FAM222A: variants seen among roughly 807,000 people sequenced by gnomAD.
The protein encoded by FAM222A is protein FAM222A.
In FAM222A, 7 loss-of-function variants were observed where a neutral mutation model predicts 25.8. The ratio of observed to expected loss-of-function variants is 0.27; its 90% CI spans 0.15 to 0.51. The LOEUF (loss-of-function observed/expected upper bound fraction) is 0.51, where lower values mean the gene tolerates loss of function less well. FAM222A is among the 20% of genes least tolerant of loss of function. The pLI, the probability that FAM222A is intolerant of heterozygous loss-of-function variation, is 0.97. For synonymous variants in FAM222A, 294 were observed against 298.8 expected, an observed-to-expected ratio of 0.98 and a Z score of 0.17; for missense variants, 573 against 640.5, an observed-to-expected ratio of 0.89 and a Z score of 1.14.
At chr12:109,721,211 C>G (rs910085885) in intron 1 of FAM222A, among the ~76,000 whole-genome samples, 7 of 152,198 alleles carry the variant, frequency 4.6e-5, no homozygotes, top group Non-Finnish European at 8.8e-5. Context: ...ACAGAACCCC[C>G]TTCATTATCC....
chr12:109,743,846 G>A, intron 1 of FAM222A: 1 of 985,418 alleles, frequency 1.0e-6, no homozygotes, highest in Non-Finnish European at 1.2e-6. Context: ...ATGCCGAGCA[G>A]GGCCGGGGCA....
At chr12:109,758,545 A>T (rs1420002407) in intron 2 of FAM222A, among the ~76,000 whole-genome samples, 1 of 152,122 alleles carries the variant, frequency 6.6e-6, no homozygotes, top group African/African-American at 2.4e-5. Context: ...GGTCCCTGGG[A>T]CAGCCAGGAA....
chr12:109,715,354 C>T (rs1887622792), intron 1 of FAM222A, among the ~76,000 whole-genome samples: 1 of 152,168 alleles, frequency 6.6e-6, no homozygotes, highest in Non-Finnish European at 1.5e-5. Context: ...GAGAATTGTG[C>T]CCCATGGGGC....
intron 2 of FAM222A, among the ~76,000 whole-genome samples, chr12:109,756,068 A>G (rs1415450208): frequency 6.6e-6 from 1 of 152,334 alleles, no homozygotes; most frequent in Non-Finnish European, 1.5e-5. Flanking sequence ...CCATCTTATT[A>G]TTGTCTTCCA....
intron 1 of FAM222A, among the ~76,000 whole-genome samples, chr12:109,721,696 G>A (rs181737746): frequency 6.6e-6 from 1 of 152,296 alleles, no homozygotes; most frequent in African/African-American, 2.4e-5. Context: ...TTGTTCTTAA[G>A]CCACAAAAGC....
At chr12:109,723,662 C>T (rs1456559658) in intron 1 of FAM222A, among the ~76,000 whole-genome samples, 2 of 152,230 alleles carry the variant, frequency 1.3e-5, no homozygotes, top group African/African-American at 4.8e-5. Context: ...CCACTCCTGG[C>T]GAAGGCTGGG....
chr12:109,734,359 TGTA>T (rs1888025896), intron 1 of FAM222A: 1 of 152,014 alleles, frequency 6.6e-6, no homozygotes, highest in Non-Finnish European at 1.5e-5. Flanking sequence ...AGGAATCTGT[TGTA>T]GAAGAGTTGC....
intron 2 of FAM222A, among the ~76,000 whole-genome samples, chr12:109,765,758 G>C (rs1486439169): frequency 6.6e-6 from 1 of 152,230 alleles, no homozygotes; most frequent in East Asian, 1.9e-4. Flanking sequence ...GGAGGTAGCA[G>C]GGTCTGCACT....
chr12:109,758,702 T>G (rs991613487), intron 2 of FAM222A, among the ~76,000 whole-genome samples: 1 of 152,062 alleles, frequency 6.6e-6, no homozygotes, highest in Non-Finnish European at 1.5e-5. Context: ...AGCTAATTAG[T>G]GTCACGTTAA....
chr12:109,768,586 C>T lies in FAM222A; in HGVS notation c.657C>T (p.Ala219=), dbSNP rs1889135197. 1.2e-6 allele frequency: 2 copies of T among 1,602,364 alleles called. No individual in the cohort carries two copies. The highest frequency in any genetic ancestry group is 1.7e-6 in the Non-Finnish European group (2 of 1,176,686). ...AGGCCCCGGGCGCCGCACCCCCTGCCTGCCAGGGCATGGCTATTCCCCATC... is the reference window on the plus strand; with the variant it reads ...AGGCCCCGGGCGCCGCACCCCCTGCTTGCCAGGGCATGGCTATTCCCCATC... The part of the protein sequence containing the change: ...QCQAPGAAPP[A]CQGMAIPHPS... The change falls in exon 3 of 3, where the codon GCC becomes GCT. Residue 219 remains alanine (A), a synonymous_variant. Coordinates refer to ENST00000538780, the MANE Select transcript of FAM222A (RefSeq NM_032829.3).
intron 2 of FAM222A, 60 bp downstream of exon 2, chr12:109,744,288 C>T (rs1888329850): frequency 5.8e-6 from 9 of 1,549,848 alleles, no homozygotes; most frequent in Middle Eastern, 3.4e-4. Context: ...ACGCCATTCA[C>T]CCCCCAGGAT....
At chr12:109,741,180 C>G (rs929123295) in intron 1 of FAM222A, among the ~76,000 whole-genome samples, 1 of 152,118 alleles carries the variant, frequency 6.6e-6, no homozygotes, top group African/African-American at 2.4e-5. Flanking sequence ...CCTAGGACAC[C>G]CCACCACCCT....
rs993865565 is a variant in FAM222A, at chr12:109,770,404, T to C, written c.*1116T>C. ...CAAATCTCTGAGAATGTTTTTTTTA[T>C]ACTAAAATTGACCATTATATTCTAC... is the stretch of plus-strand genomic sequence containing the variant. On this transcript the variant is annotated 3_prime_UTR_variant, in exon 3 of 3. Coordinates refer to ENST00000538780, the MANE Select transcript of FAM222A (RefSeq NM_032829.3). 2 of 152,650 alleles carry C rather than the reference T, an allele frequency of 1.3e-5. No homozygotes were observed. The highest frequency in any genetic ancestry group is 2.4e-5 in the African/African-American group (1 of 41,460). 9.5% of individuals were successfully genotyped at this position (152,650 alleles called of 1,614,324 possible). A position where few individuals can be genotyped will look rare whatever the true frequency, so the allele number is the denominator to read the frequency against.
At chr12:109,748,334 C>CTTTTTTTT (rs61492433) in intron 2 of FAM222A, among the ~76,000 whole-genome samples, 1 of 81,634 alleles carries the variant, frequency 1.2e-5, no homozygotes. Flanking sequence ...GGTTTTCTTT[C>CTTTTTTTT]TTTTTTTTTT....
In FAM222A at chr12:109,768,275, G is replaced by T; in HGVS notation, c.346G>T (p.Ala116Ser). The T allele has an allele frequency of 6.2e-7, 1 of 1,606,252 alleles. No homozygotes were observed. The highest frequency in any genetic ancestry group is 1.1e-5 in the South Asian group (1 of 90,178). The change falls in exon 3 of 3, where the codon GCC becomes TCC. Residue 116 changes from alanine (A) to serine (S), a missense_variant. Transcript: ENST00000538780. ...GGCCGCGGTTTCCTCCTCCAGCACG[G>T]CCGCACCAGCTGGGCCCGCCAAAAG... is the stretch of plus-strand genomic sequence containing the variant. ...VKAAVSSSST[A>S]APAGPAKSVL...
chr12:109,764,880 G>A (rs1454701383), intron 2 of FAM222A, among the ~76,000 whole-genome samples: 2 of 152,178 alleles, frequency 1.3e-5, no homozygotes, highest in Non-Finnish European at 2.9e-5. Flanking sequence ...TTCCCCCGTT[G>A]GCCAAAGTGA....
intron 1 of FAM222A, chr12:109,722,647 TC>T (rs1284969509): frequency 6.6e-6 from 1 of 152,302 alleles, no homozygotes; most frequent in African/African-American, 2.4e-5. Flanking sequence ...GGACAGGGCT[TC>T]CCCTTCACCA....
chr12:109,732,102 A>G (rs549443553), intron 1 of FAM222A, among the ~76,000 whole-genome samples: 2 of 152,280 alleles, frequency 1.3e-5, no homozygotes, highest in East Asian at 1.9e-4. Context: ...GTGCAGGTCT[A>G]GAGCCCCCCA....
chr12:109,730,713 T>C (rs1887931797), intron 1 of FAM222A, among the ~76,000 whole-genome samples: 1 of 152,164 alleles, frequency 6.6e-6, no homozygotes, highest in South Asian at 2.1e-4. Flanking sequence ...ACACCACAGG[T>C]GCTCAGGCAG....
Sources: gnomAD v4.1 joint callset for allele counts (sites outside exome capture counted in the v4.1 genomes callset) on GRCh38, gnomAD v4.1.1 for gene constraint, MANE v1.5 for transcripts, NCBI Gene and HGNC (gene_info 2026-07-23, HGNC 2026-07-21) for gene names.